CA8: variants seen among roughly 807,000 people sequenced by gnomAD.
CA8 encodes carbonic anhydrase-related protein.
A neutral mutation model predicts 41.4 loss-of-function variants in CA8; 22 were observed. The observed-to-expected ratio is 0.53, with a 90% CI of 0.38 to 0.76. The LOEUF (loss-of-function observed/expected upper bound fraction) is 0.76, where lower values mean the gene tolerates loss of function less well. CA8 is among the 30% of genes least tolerant of loss of function. The pLI, the probability that CA8 is intolerant of heterozygous loss-of-function variation, is 0.00. For missense variants in CA8, 270 were observed against 352.8 expected, an observed-to-expected ratio of 0.77 and a Z score of 1.88; for synonymous variants, 121 against 130.6, an observed-to-expected ratio of 0.93 and a Z score of 0.50.
At chr8:60,244,059 C>T (rs992447913) in intron 3 of CA8, among the ~76,000 whole-genome samples, 1 of 152,218 alleles carries the variant, frequency 6.6e-6, no homozygotes, top group Non-Finnish European at 1.5e-5. Context: ...TGAGTTCCCT[C>T]CACCGCCCCT....
Position 60,191,233 on chromosome 8 carries a change from T to C in CA8, c.*36-1248A>G, listed in dbSNP as rs189060940. Among the ~76,000 whole-genome samples the C allele has an allele frequency of 1.7e-3, 258 of 152,076 alleles. 1 individual carries two copies. Among genetic ancestry groups the C allele is most frequent in the African/African-American group, 5.9e-3 (246 of 41,492 alleles). On this transcript the variant is annotated intron_variant, in intron 8 of 8. Transcript: ENST00000317995. ...CAAAATGTTTTAAAATATATACACA[T>C]TGTGAAATGGCTAAATCGAGCTAAT...
intron 8 of CA8, among the ~76,000 whole-genome samples, chr8:60,202,047 C>CT (rs780582775): frequency 0.058 from 8,042 of 139,752 alleles, 244 homozygotes; most frequent in South Asian, 0.11. Context: ...GACTCAGTTT[C>CT]TTTTTTTTTT....
intron 3 of CA8, among the ~76,000 whole-genome samples, chr8:60,236,896 A>T (rs1182236633): frequency 1.3e-5 from 2 of 152,222 alleles, no homozygotes; most frequent in African/African-American, 4.8e-5. Context: ...ATGATACTAC[A>T]GATATGGCTT....
At chr8:60,278,491 C>G (rs1804310755) in intron 2 of CA8, among the ~76,000 whole-genome samples, 1 of 152,122 alleles carries the variant, frequency 6.6e-6, no homozygotes, top group Non-Finnish European at 1.5e-5. Context: ...TTTTTATATG[C>G]CAGAACAGTC....
At chr8:60,203,815 T>A (rs960421187) in intron 8 of CA8, among the ~76,000 whole-genome samples, 12 of 152,336 alleles carry the variant, frequency 7.9e-5, no homozygotes, top group Admixed American at 2.6e-4. Context: ...TAACAAAACC[T>A]AATTCATAAA....
intron 2 of CA8, among the ~76,000 whole-genome samples, chr8:60,275,523 A>G (rs1265851418): frequency 6.6e-6 from 1 of 152,162 alleles, no homozygotes; most frequent in African/African-American, 2.4e-5. Context: ...ATTAAAAACA[A>G]GAAAGCAGAA....
chr8:60,208,824 C>T lies in CA8; in HGVS notation c.834G>A (p.Gln278=), dbSNP rs1424306913. Reference sequence around the variant, plus strand: ...CTCTAATGACTCTGTCACTAAGAGGCTGAGTGGGCCGAAAGTTGTCTCCCA... The same window carrying T: ...CTCTAATGACTCTGTCACTAAGAGGTTGAGTGGGCCGAAAGTTGTCTCCCA... The part of the protein sequence containing the change: ...GILGDNFRPT[Q]PLSDRVIRAA... The change falls in exon 8 of 9, where the codon CAG becomes CAA. Residue 278 remains glutamine (Q), a synonymous_variant. Coordinates refer to ENST00000317995, the MANE Select transcript of CA8 (RefSeq NM_004056.6). 1.9e-6 allele frequency: 3 copies of T among 1,614,054 alleles called. No individual in the cohort carries two copies. Among genetic ancestry groups the T allele is most frequent in the Admixed American group, 1.7e-5 (1 of 60,004 alleles).
chr8:60,281,156 C>G lies in CA8; in HGVS notation c.-9G>C. On this transcript the variant is annotated 5_prime_UTR_variant, in exon 1 of 9. Coordinates refer to ENST00000317995, the MANE Select transcript of CA8 (RefSeq NM_004056.6). ...AAGCTCAGGTCCGCCATGGGAAGGC[C>G]GCGGGGCCCCTCGGCGCTCTCGGCA... 6.5e-7 allele frequency: 1 copy of G among 1,547,906 alleles called. No individual in the cohort carries two copies.
rs117369171 is a variant in CA8 at position 60,194,922 on chromosome 8, A to G, written c.*36-4937T>C. Among the ~76,000 whole-genome samples, 105 of 152,302 alleles carry G rather than the reference A, an allele frequency of 6.9e-4. 1 individual carries two copies. In the East Asian group the frequency reaches 0.019, roughly 27 times the overall value. On this transcript the variant is annotated intron_variant, in intron 8 of 8. Transcript: ENST00000317995. ...GAAACAAAATTAGTTGCCTACCTTC[A>G]ATTGATGGTCATTATTTGAAATATA...
Position 60,279,847 on chromosome 8 carries a change from T to C in CA8, c.134A>G (p.Asn45Ser), listed in dbSNP as rs1195373691. 1.2e-5 allele frequency: 20 copies of C among 1,613,628 alleles called. No homozygotes were observed. Among genetic ancestry groups the C allele is most frequent in the Non-Finnish European group, 1.7e-5 (20 of 1,179,822 alleles). ...VEWGLVFPDANGEYQSPINLN... is the reference protein window; with the variant it reads ...VEWGLVFPDASGEYQSPINLN... ...GTTAATAGGAGACTGGTATTCCCCA[T>C]TAGCATCAGGAAACACCAGACCCCA... The change falls in exon 2 of 9, where the codon AAT becomes AGT. Residue 45 changes from asparagine to serine, a missense_variant. By Grantham distance (46) the Asn-to-Ser change is conservative. Around this residue, in one of 3 missense-constraint regions of CA8, gnomAD observed 123 missense variants for 136.8 expected, o/e 0.90. Transcript: ENST00000317995.
Position 60,186,693 on chromosome 8 carries a change from TTGAAAG to T in CA8, c.*3322_*3327del, listed in dbSNP as rs1805975136. ...CTTTAGATTCAAAAATATAAATAAG[TTGAAAG>T]TGAAAAGATGAAAAAAGATACATCA... On this transcript the variant is annotated 3_prime_UTR_variant, in exon 9 of 9. Coordinates refer to ENST00000317995, the MANE Select transcript of CA8 (RefSeq NM_004056.6). Among the ~76,000 whole-genome samples, 1 of 151,584 alleles carries T rather than the reference TTGAAAG, an allele frequency of 6.6e-6. No homozygotes were observed. Among genetic ancestry groups the T allele is most frequent in the South Asian group, 2.1e-4 (1 of 4,818 alleles).
chr8:60,267,622 C>T (rs939889088), intron 2 of CA8, among the ~76,000 whole-genome samples: 1 of 152,168 alleles, frequency 6.6e-6, no homozygotes, highest in Non-Finnish European at 1.5e-5. Context: ...CTGCCACAGT[C>T]AGCCTCCTAG....
At chr8:60,232,779 C>T (rs1807701506) in intron 3 of CA8, 1 of 211,934 alleles carries the variant, frequency 4.7e-6, no homozygotes, top group African/African-American at 2.3e-5. Context: ...AATACTGCAT[C>T]ACCCAGTACT....
chr8:60,203,629 A>G (rs1806495724), intron 8 of CA8, among the ~76,000 whole-genome samples: 1 of 152,206 alleles, frequency 6.6e-6, no homozygotes, highest in Non-Finnish European at 1.5e-5. Context: ...CCCTCTTTTA[A>G]GAGGTACAGA....
At chr8:60,219,262 A>C (rs1373192685) in intron 7 of CA8, among the ~76,000 whole-genome samples, 1 of 151,770 alleles carries the variant, frequency 6.6e-6, no homozygotes, top group East Asian at 1.9e-4. Context: ...GGGTTCAAGC[A>C]ATTCTCCTGC....
At chr8:60,276,535 C>G (rs1266283552) in intron 2 of CA8, among the ~76,000 whole-genome samples, 1 of 152,098 alleles carries the variant, frequency 6.6e-6, no homozygotes, top group Non-Finnish European at 1.5e-5. Context: ...AAAATATAAT[C>G]TCAGCTGGAA....
At chr8:60,214,848 T>C (rs1806959614) in intron 7 of CA8, among the ~76,000 whole-genome samples, 1 of 152,242 alleles carries the variant, frequency 6.6e-6, no homozygotes, top group Admixed American at 6.5e-5. Flanking sequence ...GTATCATGTA[T>C]CCACAGGGTG....
intron 3 of CA8, among the ~76,000 whole-genome samples, chr8:60,236,726 A>G: frequency 6.6e-6 from 1 of 152,316 alleles, no homozygotes; most frequent in South Asian, 2.1e-4. Context: ...TTTTTATTTC[A>G]ACTTTTTCTA....
intron 3 of CA8, among the ~76,000 whole-genome samples, chr8:60,244,885 T>C (rs1808171946): frequency 6.6e-6 from 1 of 152,168 alleles, no homozygotes; most frequent in Non-Finnish European, 1.5e-5. Context: ...TTATTAGAAA[T>C]AGGGGAAGGG....
Sources: gnomAD v4.1 joint callset for allele counts (sites outside exome capture counted in the v4.1 genomes callset) on GRCh38, gnomAD v4.1.1 for gene constraint, gnomAD v4.1.1 regional missense constraint, MANE v1.5 for transcripts, NCBI Gene and HGNC (gene_info 2026-07-23, HGNC 2026-07-21) for gene names.